Variants in ZC2HC1B observed in about 807,000 individuals in gnomAD.
The protein encoded by ZC2HC1B is zinc finger C2HC-type containing 1B, also known as zinc finger C2HC domain-containing protein 1B.
ZC2HC1B carries 36 observed loss-of-function variants against 31.0 expected under a neutral mutation model. That is an observed-to-expected ratio of 1.16 (90% CI 0.89 to 1.54). ZC2HC1B has a LOEUF of 1.54. Among genes scored for constraint, ZC2HC1B ranks in the 40% most tolerant of loss-of-function variants. The pLI, the probability that ZC2HC1B is intolerant of heterozygous loss-of-function variation, is 0.00. For synonymous variants in ZC2HC1B, 73 were observed against 88.0 expected (o/e 0.83, Z 0.95); for missense variants, 260 against 268.6 (o/e 0.97, Z 0.22).
rs1052320774 is a variant in ZC2HC1B, at chr6:143,884,240, G to A, written c.29-64G>A. 32 of 1,444,726 alleles carry A rather than the reference G, an allele frequency of 2.2e-5. 1 individual carries two copies. The highest frequency in any genetic ancestry group is 1.9e-4 in the South Asian group (14 of 75,374). 89.5% of individuals were successfully genotyped at this position (1,444,726 alleles called of 1,614,324 possible). A position where few individuals can be genotyped will look rare whatever the true frequency, so the allele number is the denominator to read the frequency against. On this transcript the variant is annotated intron_variant, in intron 1 of 7. Transcript: ENST00000237275. The surrounding 1 kb of genome is among the most constrained non-coding windows in gnomAD (Gnocchi z 5.1). ...AAGCTATTGAGGTCACCTCCAGTCA[G>A]TCATTTCTTCTCAGCGAGGAAATTC...
At chr6:143,902,535 G>T (rs1777748839) in intron 5 of ZC2HC1B, among the ~76,000 whole-genome samples, 1 of 152,060 alleles carries the variant, frequency 6.6e-6, no homozygotes, top group Non-Finnish European at 1.5e-5. Context: ...AAACCTTTTG[G>T]TCCTTATTTC....
Position 143,921,405 on chromosome 6 carries a change from T to C in ZC2HC1B, c.599-16244T>C, listed in dbSNP as rs1229485549. On this transcript the variant is annotated intron_variant, in intron 6 of 7. Coordinates refer to ENST00000237275, the MANE Select transcript of ZC2HC1B (RefSeq NM_001013623.3). The surrounding 1 kb of genome is among the most constrained non-coding windows in gnomAD (Gnocchi z 6.1). ...TGTATCTTTCTCTATTGTACTGGAA[T>C]ATCCCTACTTTTTAGAGTTGTTTGT... Among the ~76,000 whole-genome samples the C allele has an allele frequency of 6.6e-6, 1 of 152,234 alleles. No individual in the cohort carries two copies. The highest frequency in any genetic ancestry group is 2.4e-5 in the African/African-American group (1 of 41,470).
chr6:143,901,412 A>G (rs894438109), intron 5 of ZC2HC1B, among the ~76,000 whole-genome samples: 2 of 149,630 alleles, frequency 1.3e-5, no homozygotes, highest in Non-Finnish European at 3.0e-5. Flanking sequence ...GGCTCCCACC[A>G]CCATGCCTGG....
intron 6 of ZC2HC1B, among the ~76,000 whole-genome samples, chr6:143,935,315 C>A (rs1379489351): frequency 6.6e-6 from 1 of 152,096 alleles, no homozygotes; most frequent in Non-Finnish European, 1.5e-5. Flanking sequence ...CACTGGTGGG[C>A]ATGACACCAC....
At chr6:143,912,296 C>T (rs1379574726) in intron 6 of ZC2HC1B, among the ~76,000 whole-genome samples, 4 of 152,238 alleles carry the variant, frequency 2.6e-5, no homozygotes, top group Non-Finnish European at 5.9e-5. Flanking sequence ...GCCCAGTTCT[C>T]AGCCCTTGCT....
intron 6 of ZC2HC1B, among the ~76,000 whole-genome samples, chr6:143,925,165 CTTTTTTTTTTTTT>C (rs71024879): frequency 0.024 from 2,504 of 104,182 alleles, 58 homozygotes; most frequent in Non-Finnish European, 0.034. Flanking sequence ...AATCTCATTC[CTTTTTTTTTTTTT>C]TTTTTTTTTT....
intron 6 of ZC2HC1B, among the ~76,000 whole-genome samples, chr6:143,906,948 C>G (rs1777802523): frequency 6.6e-6 from 1 of 152,170 alleles, no homozygotes; most frequent in South Asian, 2.1e-4. Context: ...CATTCTCCAG[C>G]AGGCCCCATT....
Position 143,886,786 on chromosome 6 carries a change from C to T in ZC2HC1B, c.314C>T (p.Pro105Leu), listed in dbSNP as rs1167007715. The T allele has an allele frequency of 6.5e-7, 1 of 1,545,372 alleles. No individual in the cohort carries two copies. The highest frequency in any genetic ancestry group is 8.7e-7 in the Non-Finnish European group (1 of 1,144,116). Residue 105 changes from proline (P) to leucine (L), a missense_variant, in exon 4 of 8, where the codon CCC becomes CTC. Transcript: ENST00000237275. This position sits in a 1 kb window ranked among gnomAD's most constrained non-coding sequence, Gnocchi z 4.2. ...ATGCTAGCCATTAAAGAAGGCCGACCCCTCCCACCTCCACCCCCTCCATCC... is the reference window on the plus strand; with the variant it reads ...ATGCTAGCCATTAAAGAAGGCCGACTCCTCCCACCTCCACCCCCTCCATCC... The part of the protein sequence containing the change: ...QCMLAIKEGR[P>L]LPPPPPPSLN...
Position 143,882,334 on chromosome 6 carries a change from TTATATA to T in ZC2HC1B, c.29-1940_29-1935del, listed in dbSNP as rs59777839. ...AATATGTATACATATTTTATATTTTTTATATATATATATATATATATATATATATAT... is the reference window on the plus strand; with the variant it reads ...AATATGTATACATATTTTATATTTTTTATATATATATATATATATATATAT... On this transcript the variant is annotated intron_variant, in intron 1 of 7. Transcript: ENST00000237275. Among the ~76,000 whole-genome samples the T allele has an allele frequency of 8.2e-4, 70 of 85,534 alleles. 1 individual carries two copies. In the Middle Eastern group the frequency reaches 0.019, roughly 23 times the overall value. 56.1% of individuals were successfully genotyped at this position (85,534 alleles called of 152,430 possible). A position where few individuals can be genotyped will look rare whatever the true frequency, so the allele number is the denominator to read the frequency against.
chr6:143,875,549 C>CT (rs1337382431), intron 1 of ZC2HC1B, among the ~76,000 whole-genome samples: 1 of 150,864 alleles, frequency 6.6e-6, no homozygotes, highest in Non-Finnish European at 1.5e-5. Flanking sequence ...CGATCCAACT[C>CT]TATGTTCCTT....
At position 143,911,183 on chromosome 6, in the gene ZC2HC1B, G is replaced by C. The variant is rs1777850993; in HGVS notation, c.598+8031G>C. On this transcript the variant is annotated intron_variant, in intron 6 of 7. Transcript: ENST00000237275. The surrounding 1 kb of genome is among the most constrained non-coding windows in gnomAD (Gnocchi z 4.5). ...AGCCTATGTATGTCTTTGCAAGTAA[G>C]ATGGGTCTCTTGAAGACAGCATATT... Among the ~76,000 whole-genome samples the C allele has an allele frequency of 6.6e-6, 1 of 152,180 alleles. No homozygotes were observed. The highest frequency in any genetic ancestry group is 2.4e-5 in the African/African-American group (1 of 41,440).
rs573236419 is a variant in ZC2HC1B at position 143,925,643 on chromosome 6, TCTC to T, written c.599-12003_599-12001del. On this transcript the variant is annotated intron_variant, in intron 6 of 7. Coordinates refer to ENST00000237275, the MANE Select transcript of ZC2HC1B (RefSeq NM_001013623.3). ...CCTCCGCCTCCCGTGCTCAAGCAAT[TCTC>T]CTGCCTCAGTCTCCCGAGTAGCTGG... Among the ~76,000 whole-genome samples, 58 of 151,706 alleles carry T rather than the reference TCTC, an allele frequency of 3.8e-4. No individual in the cohort carries two copies. In the South Asian group the frequency reaches 0.011, roughly 29 times the overall value.
intron 4 of ZC2HC1B, among the ~76,000 whole-genome samples, chr6:143,894,299 T>C (rs139894381): frequency 1.1e-4 from 17 of 152,316 alleles, no homozygotes; most frequent in African/African-American, 3.8e-4. Context: ...AGGAAATAGA[T>C]AATTGGCTGC....
intron 4 of ZC2HC1B, among the ~76,000 whole-genome samples, chr6:143,894,899 T>G (rs1365019362): frequency 6.6e-6 from 1 of 152,190 alleles, no homozygotes; most frequent in Non-Finnish European, 1.5e-5. Context: ...ATCTAAAATG[T>G]GGGGATTATT....
Position 143,913,087 on chromosome 6 carries a change from C to T in ZC2HC1B, c.598+9935C>T, listed in dbSNP as rs1413125074. Among the ~76,000 whole-genome samples, 1 of 152,216 alleles carries T rather than the reference C, an allele frequency of 6.6e-6. No homozygotes were observed. Among genetic ancestry groups the T allele is most frequent in the East Asian group, 1.9e-4 (1 of 5,198 alleles). On this transcript the variant is annotated intron_variant, in intron 6 of 7. Coordinates refer to ENST00000237275, the MANE Select transcript of ZC2HC1B (RefSeq NM_001013623.3). This position sits in a 1 kb window ranked among gnomAD's most constrained non-coding sequence, Gnocchi z 5.7. ...CTGTCAACTTGGTCTCTCCAAAGCC[C>T]ACAGTCCAGAACAGCTAAGTCATCC...
At position 143,884,989 on chromosome 6, in the gene ZC2HC1B, A is replaced by G. The variant is rs925601953; in HGVS notation, c.90+624A>G. Among the ~76,000 whole-genome samples the G allele has an allele frequency of 6.6e-6, 1 of 152,174 alleles. No individual in the cohort carries two copies. Among genetic ancestry groups the G allele is most frequent in the African/African-American group, 2.4e-5 (1 of 41,450 alleles). ...AGCTTGATTTATTTCAAAATTAGGG[A>G]ATCAAATAGATGGTATGCCCCAATA... is the stretch of plus-strand genomic sequence containing the variant. On this transcript the variant is annotated intron_variant, in intron 2 of 7. Transcript: ENST00000237275. This position sits in a 1 kb window ranked among gnomAD's most constrained non-coding sequence, Gnocchi z 5.1.
In ZC2HC1B at chr6:143,868,812, C is replaced by T. The variant is rs1269068143; in HGVS notation, c.28+4245C>T. 6.6e-6 allele frequency among the ~76,000 whole-genome samples: 1 copy of T among 152,160 alleles called. No individual in the cohort carries two copies. The highest frequency in any genetic ancestry group is 1.5e-5 in the Non-Finnish European group (1 of 68,034). On this transcript the variant is annotated intron_variant, in intron 1 of 7. Coordinates refer to ENST00000237275, the MANE Select transcript of ZC2HC1B (RefSeq NM_001013623.3). This position sits in a 1 kb window ranked among gnomAD's most constrained non-coding sequence, Gnocchi z 4.2. ...CAACCAGAAATGCACCAATCCCCAACCCAAATACTATTACATAAAGTTAAC... is the reference window on the plus strand; with the variant it reads ...CAACCAGAAATGCACCAATCCCCAATCCAAATACTATTACATAAAGTTAAC...
rs936905621 is a variant in ZC2HC1B at position 143,868,772 on chromosome 6, C to G, written c.28+4205C>G. ...GGTCATAATTATGCCTAACGTAATA[C>G]AACTATCCTTAATACAACCAGAAAT... is the stretch of plus-strand genomic sequence containing the variant. On this transcript the variant is annotated intron_variant, in intron 1 of 7. Transcript: ENST00000237275. The surrounding 1 kb of genome is among the most constrained non-coding windows in gnomAD (Gnocchi z 4.2). Among the ~76,000 whole-genome samples the G allele has an allele frequency of 1.3e-4, 20 of 152,180 alleles. No individual in the cohort carries two copies. The highest frequency in any genetic ancestry group is 4.8e-4 in the African/African-American group (20 of 41,446).
intron 6 of ZC2HC1B, among the ~76,000 whole-genome samples, chr6:143,928,703 TTCTAA>T (rs1701139748): frequency 2.0e-5 from 3 of 152,180 alleles, no homozygotes; most frequent in Admixed American, 1.3e-4. Flanking sequence ...ACATTGATTC[TTCTAA>T]TCTGTGAGAA....
Sources: gnomAD v4.1 joint callset for allele counts (sites outside exome capture counted in the v4.1 genomes callset) on GRCh38, gnomAD v4.1.1 for gene constraint, Gnocchi (gnomAD v3.1) non-coding constraint, MANE v1.5 for transcripts, NCBI Gene and HGNC (gene_info 2026-07-23, HGNC 2026-07-21) for gene names.